HEATR5A: variants seen among roughly 807,000 people sequenced by gnomAD.
HEATR5A encodes HEAT repeat containing 5A.
In HEATR5A, 178 loss-of-function variants were observed where a neutral mutation model predicts 218.8. The observed-to-expected ratio is 0.81, with a 90% CI of 0.72 to 0.92. The LOEUF (loss-of-function observed/expected upper bound fraction) is 0.92. Ranked by LOEUF, HEATR5A falls within the 40% of genes least tolerant of loss-of-function variation. The pLI, the probability that HEATR5A is intolerant of heterozygous loss-of-function variation, is 0.00. For synonymous variants in HEATR5A, 864 were observed against 871.6 expected (o/e 0.99, Z 0.15); for missense variants, 2,420 against 2,418.9 (o/e 1.00, Z -0.01).
chr14:31,364,366 T>C, intron 13 of HEATR5A, 68 bp from the exon 14 acceptor site: 1 of 699,956 alleles, frequency 1.4e-6, no homozygotes, highest in East Asian at 2.8e-5. Context: ...AATTGACAGC[T>C]TAATATCTTA....
At chr14:31,330,570 C>T (rs770672103) in intron 22 of HEATR5A, among the ~76,000 whole-genome samples, 14 of 152,088 alleles carry the variant, frequency 9.2e-5, no homozygotes, top group South Asian at 2.1e-4. Context: ...GGGTGGATCA[C>T]GAGGTCAAAA....
chr14:31,334,459 G>A (rs1259863930), intron 22 of HEATR5A: 9 of 455,946 alleles, frequency 2.0e-5, no homozygotes. Flanking sequence ...TGTGAACACT[G>A]TTGAAATTAC....
At chr14:31,322,734 G>C (rs1900146861) in intron 24 of HEATR5A, among the ~76,000 whole-genome samples, 1 of 150,912 alleles carries the variant, frequency 6.6e-6, no homozygotes, top group African/African-American at 2.4e-5. Flanking sequence ...TGGGAGGATT[G>C]CTTGAGCCTG....
intron 16 of HEATR5A, 55 bp from the exon 17 acceptor site, chr14:31,350,772 GTT>G: frequency 1.3e-6 from 1 of 782,016 alleles, no homozygotes; most frequent in East Asian, 2.7e-5. Flanking sequence ...TTGTTTGTTT[GTT>G]TGTTTGTTTG....
intron 19 of HEATR5A, among the ~76,000 whole-genome samples, chr14:31,346,177 A>G (rs1901015659): frequency 6.6e-6 from 1 of 152,230 alleles, no homozygotes; most frequent in East Asian, 1.9e-4. Context: ...TTGTTAGGTG[A>G]GAGAGAGCAA....
At chr14:31,297,806 AAC>A (rs1899238995) in intron 33 of HEATR5A, 1 of 152,330 alleles carries the variant, frequency 6.6e-6, no homozygotes, top group South Asian at 2.1e-4. Flanking sequence ...ATGGACAAGA[AAC>A]ACAAATTCAG....
intron 20 of HEATR5A, among the ~76,000 whole-genome samples, 193 bp downstream of exon 20, chr14:31,344,894 A>G (rs1052653050): frequency 4.6e-5 from 7 of 152,248 alleles, no homozygotes; most frequent in Admixed American, 6.5e-5. Context: ...AGGCATCTTT[A>G]GGAGATATGT....
chr14:31,316,249 T>TA (rs1566751399), intron 26 of HEATR5A, among the ~76,000 whole-genome samples: 1 of 152,006 alleles, frequency 6.6e-6, no homozygotes, highest in Admixed American at 6.6e-5. Flanking sequence ...GCCACGTATC[T>TA]AGACCTCTAG....
intron 1 of HEATR5A, among the ~76,000 whole-genome samples, chr14:31,408,313 TTTTAC>T (rs1373111211): frequency 6.6e-6 from 1 of 152,198 alleles, no homozygotes; most frequent in African/African-American, 2.4e-5. Flanking sequence ...AAGGGTCAAA[TTTTAC>T]TTAAAGTTTT....
chr14:31,410,074 T>C (rs2031222196), intron 1 of HEATR5A, among the ~76,000 whole-genome samples: 1 of 152,210 alleles, frequency 6.6e-6, no homozygotes, highest in African/African-American at 2.4e-5. Context: ...GTTAGTGTCT[T>C]CCTTCTGGAG....
chr14:31,407,923 C>T (rs1486623226), intron 1 of HEATR5A, among the ~76,000 whole-genome samples: 3 of 152,256 alleles, frequency 2.0e-5, no homozygotes, highest in Admixed American at 1.3e-4. Context: ...CCACCATGCC[C>T]GGCCCTATTA....
chr14:31,352,749 G>A (rs1047851535), intron 16 of HEATR5A, among the ~76,000 whole-genome samples: 2 of 152,130 alleles, frequency 1.3e-5, no homozygotes, highest in African/African-American at 4.8e-5. Flanking sequence ...CCTGATGTCA[G>A]GAGTTTGAGA....
rs2029869264 is a variant in HEATR5A at position 31,378,344 on chromosome 14, G to A, written c.1708+2123C>T. ...AATGTGACTTTCACATGATTCTCAT[G>A]TATTACAAAATATCTTTTTTCCCCA... On this transcript the variant is annotated intron_variant, in intron 11 of 35. Coordinates refer to ENST00000543095, the MANE Select transcript of HEATR5A (RefSeq NM_015473.4). 1.3e-5 allele frequency among the ~76,000 whole-genome samples: 2 copies of A among 152,210 alleles called. 1 individual carries two copies. Among genetic ancestry groups the A allele is most frequent in the South Asian group, 4.1e-4 (2 of 4,824 alleles).
rs1440550508 is a variant in HEATR5A at position 31,345,333 on chromosome 14, ATAAAT to A, written c.2869-62_2869-58del. On this transcript the variant is annotated intron_variant, in intron 19 of 35. Coordinates refer to ENST00000543095, the MANE Select transcript of HEATR5A (RefSeq NM_015473.4). ...TTACAGCAGCATTAAGAAACATAAA[ATAAAT>A]TAACTTGTTCTTTTGTTGAAGCAAG... 6 of 1,306,674 alleles carry A rather than the reference ATAAAT, an allele frequency of 4.6e-6. No individual in the cohort carries two copies. In the East Asian group the frequency reaches 1.5e-4, roughly 32 times the overall value. 80.9% of individuals were successfully genotyped at this position (1,306,674 alleles called of 1,614,324 possible). A position where few individuals can be genotyped will look rare whatever the true frequency, so the allele number is the denominator to read the frequency against.
At chr14:31,388,313 A>G (rs749314311) in intron 7 of HEATR5A, among the ~76,000 whole-genome samples, 43 of 152,318 alleles carry the variant, frequency 2.8e-4, no homozygotes, top group Non-Finnish European at 6.0e-4. Context: ...AGAAAAAAAA[A>G]GATAATCCAA....
At chr14:31,386,946 A>G (rs2030250131) in intron 8 of HEATR5A, among the ~76,000 whole-genome samples, 174 bp downstream of exon 8, 1 of 152,248 alleles carries the variant, frequency 6.6e-6, no homozygotes, top group Admixed American at 6.5e-5. Context: ...TGAGATAGAC[A>G]GTTTCAAAAA....
chr14:31,359,158 T>G (rs570269940), intron 14 of HEATR5A, 101 bp from the exon 15 acceptor site: 1 of 1,109,058 alleles, frequency 9.0e-7, no homozygotes, highest in South Asian at 1.5e-5. Flanking sequence ...ACTGGCCAAC[T>G]TTAACATATC....
chr14:31,295,879 A>G, intron 34 of HEATR5A, 30 bp downstream of exon 34: 1 of 1,599,932 alleles, frequency 6.3e-7, no homozygotes, highest in Non-Finnish European at 8.6e-7. Context: ...TTGTCCTATT[A>G]CATACATCTT....
chr14:31,390,358 A>C (rs1327645300), intron 6 of HEATR5A, among the ~76,000 whole-genome samples: 1 of 152,096 alleles, frequency 6.6e-6, no homozygotes, highest in African/African-American at 2.4e-5. Flanking sequence ...AAGATTATAG[A>C]GGGGGGTAAA....
Sources: allele counts gnomAD v4.1 joint callset (sites outside exome capture counted in the v4.1 genomes callset), GRCh38; gene constraint gnomAD v4.1.1; transcripts MANE v1.5; gene names NCBI Gene and HGNC (gene_info 2026-07-23, HGNC 2026-07-21).